Variants in CATSPERE observed in about 807,000 individuals in gnomAD.
CATSPERE encodes the protein cation channel sperm-associated auxiliary subunit epsilon.
Under a neutral mutation model 114.1 loss-of-function variants are expected in CATSPERE, and 93 were observed. That is an observed-to-expected ratio of 0.81 (90% CI 0.69 to 0.97). The LOEUF is 0.97. Ranked by LOEUF, CATSPERE falls within the 50% of genes least tolerant of loss-of-function variation. The pLI is 0.00. For missense variants in CATSPERE, 1,058 were observed against 1,131.6 expected, an observed-to-expected ratio of 0.93 and a Z score of 0.93; for synonymous variants, 341 against 384.1, an observed-to-expected ratio of 0.89 and a Z score of 1.31.
intron 17 of CATSPERE, among the ~76,000 whole-genome samples, chr1:244,605,142 G>A (rs1282025907): frequency 6.6e-6 from 1 of 152,182 alleles, no homozygotes; most frequent in East Asian, 1.9e-4. Flanking sequence ...GGGATCTGCA[G>A]CATCTCCGTT....
At chr1:244,468,513 G>A (rs1667972441) in intron 2 of CATSPERE, among the ~76,000 whole-genome samples, 1 of 152,166 alleles carries the variant, frequency 6.6e-6, no homozygotes, top group Admixed American at 6.5e-5. Flanking sequence ...TGTCATTTTA[G>A]AAATGCAAAT....
At chr1:244,503,877 T>C (rs1674435162) in intron 7 of CATSPERE, among the ~76,000 whole-genome samples, 1 of 152,232 alleles carries the variant, frequency 6.6e-6, no homozygotes, top group Non-Finnish European at 1.5e-5. Context: ...AGAAAATTAT[T>C]TCTAATATGC....
intron 7 of CATSPERE, among the ~76,000 whole-genome samples, chr1:244,510,835 C>CTTTTTTTTTTTTTTTTTTTTTTTTTTTTT (rs747921082): frequency 2.5e-4 from 12 of 48,346 alleles, no homozygotes; most frequent in East Asian, 8.0e-4. Context: ...TTTTCTTTTT[C>CTTTTTTTTTTTTTTTTTTTTTTTTTTTTT]TTTTTTTTTT....
chr1:244,639,808 T>C (rs1262090620), intron 21 of CATSPERE, 120 bp from the exon 22 acceptor site: 4 of 895,670 alleles, frequency 4.5e-6, no homozygotes, highest in Non-Finnish European at 6.8e-6. Flanking sequence ...GTGTGTCTTA[T>C]TCACCTTTGC....
At chr1:244,509,063 T>C (rs1675284432) in intron 7 of CATSPERE, among the ~76,000 whole-genome samples, 1 of 151,976 alleles carries the variant, frequency 6.6e-6, no homozygotes, top group Non-Finnish European at 1.5e-5. Flanking sequence ...CTTTTTTTTT[T>C]CTTTTGTCTA....
At position 244,640,123 on chromosome 1, in the gene CATSPERE, G is replaced by A; in HGVS notation, c.*42G>A. 7.0e-7 allele frequency: 1 copy of A among 1,437,350 alleles called. No homozygotes were observed. The highest frequency in any genetic ancestry group is 9.5e-7 in the Non-Finnish European group (1 of 1,049,290). The allele number at this position is 1,437,350 out of a possible 1,614,324, so 89.0% of individuals were successfully genotyped here. On this transcript the variant is annotated 3_prime_UTR_variant, in exon 22 of 22. Transcript: ENST00000366534. ...TTTATTACAGATATATGCATATAGA[G>A]AAACAGTGTATTACATAGTGATATT...
At chr1:244,536,495 G>A (rs372411424) in intron 8 of CATSPERE, among the ~76,000 whole-genome samples, 74 of 152,300 alleles carry the variant, frequency 4.9e-4, no homozygotes, top group Non-Finnish European at 3.2e-4. Flanking sequence ...CTCTGCGGGC[G>A]TCATCTGAGT....
At chr1:244,451,768 T>C, upstream of CATSPERE, 1 of 1,600,320 alleles carries the variant, frequency 6.2e-7, no homozygotes, top group South Asian at 1.1e-5. The surrounding 1 kb of genome is among the most constrained non-coding windows in gnomAD (Gnocchi z 6.6). Flanking sequence ...GCGGCCGCAA[T>C]CGCCGTTGGG....
intron 20 of CATSPERE, among the ~76,000 whole-genome samples, chr1:244,621,209 T>TTA (rs1316488898): frequency 3.4e-4 from 2 of 5,900 alleles, no homozygotes; most frequent in Non-Finnish European, 5.7e-4. Flanking sequence ...ATAGATATAT[T>TTA]TATATATATA....
intron 9 of CATSPERE, among the ~76,000 whole-genome samples, chr1:244,556,986 A>G (rs1661681225): frequency 6.6e-6 from 1 of 152,108 alleles, no homozygotes; most frequent in Non-Finnish European, 1.5e-5. Flanking sequence ...AGACTCTTCT[A>G]TCTGGATTGT....
At chr1:244,491,853 A>G (rs1477150460) in intron 6 of CATSPERE, among the ~76,000 whole-genome samples, 4 of 152,268 alleles carry the variant, frequency 2.6e-5, no homozygotes, top group Non-Finnish European at 5.9e-5. Context: ...GAAGAAATGG[A>G]TAAATTCCTT....
chr1:244,552,624 G>C lies in CATSPERE; in HGVS notation c.839G>C (p.Ser280Thr). ...TRIRVPPDILSDDERRSVAHV... is the reference protein window; with the variant it reads ...TRIRVPPDILTDDERRSVAHV... ...ATCAGAGTGCCTCCAGACATTCTGA[G>C]TGATGATGAAAGACGGAGTGTGGCT... Residue 280 changes from serine (S) to threonine (T), a missense_variant, in exon 9 of 22, where the codon AGT (serine) becomes ACT (threonine). By Grantham distance (58) the Ser-to-Thr change is moderately conservative. Around this residue, in one of 2 missense-constraint regions of CATSPERE, gnomAD observed 787 missense variants for 905.6 expected, o/e 0.87. Transcript: ENST00000366534. 1 of 1,614,186 alleles carries C rather than the reference G, an allele frequency of 6.2e-7. No individual in the cohort carries two copies.
rs1238012363 is a variant in CATSPERE, at chr1:244,617,694, T to C, written c.2648+8T>C. 3 of 1,527,878 alleles carry C rather than the reference T, an allele frequency of 2.0e-6. No homozygotes were observed. The highest frequency in any genetic ancestry group is 2.8e-5 in the African/African-American group (2 of 71,308). 94.6% of individuals were successfully genotyped at this position (1,527,878 alleles called of 1,614,324 possible). ...CCTGGATCCAAACTATAGGTGAATATATGTGTTACTGTAATAGTGTTAGCA... is the reference window on the plus strand; with the variant it reads ...CCTGGATCCAAACTATAGGTGAATACATGTGTTACTGTAATAGTGTTAGCA... On this transcript the variant is annotated splice_region_variant and intron_variant, in intron 20 of 21. Transcript: ENST00000366534.
At chr1:244,452,648 C>A (rs1260849431), upstream of CATSPERE, among the ~76,000 whole-genome samples, 1 of 152,170 alleles carries the variant, frequency 6.6e-6, no homozygotes, top group Non-Finnish European at 1.5e-5. Context: ...CAGATACCGT[C>A]ATGCACTTCT....
rs77713439 is a variant in CATSPERE, at chr1:244,473,752, C to T, written c.115-3789C>T. Among the ~76,000 whole-genome samples the T allele has an allele frequency of 3.4e-4, 51 of 152,158 alleles. No individual in the cohort carries two copies. In the East Asian group the frequency reaches 8.7e-3, roughly 26 times the overall value. On this transcript the variant is annotated intron_variant, in intron 2 of 21. Transcript: ENST00000366534. Reference sequence around the variant, plus strand: ...CACTTTTTTCTTCTGGTATTTCTTTCGAACAGCATGTATTGGGTCTTGCTG... The same window carrying T: ...CACTTTTTTCTTCTGGTATTTCTTTTGAACAGCATGTATTGGGTCTTGCTG...
chr1:244,574,707 T>C (rs2148585493), intron 11 of CATSPERE, among the ~76,000 whole-genome samples: 1 of 152,304 alleles, frequency 6.6e-6, no homozygotes. Context: ...ATAATACTAT[T>C]ATACATTTGC....
chr1:244,516,874 A>G (rs1311667587), intron 7 of CATSPERE, among the ~76,000 whole-genome samples: 1 of 152,102 alleles, frequency 6.6e-6, no homozygotes, highest in African/African-American at 2.4e-5. Context: ...TCACACTTCC[A>G]AGAATCTTAT....
intron 2 of CATSPERE, among the ~76,000 whole-genome samples, chr1:244,473,828 A>G (rs1023662810): frequency 6.6e-6 from 1 of 151,938 alleles, no homozygotes; most frequent in Non-Finnish European, 1.5e-5. Flanking sequence ...TTTGGTCTCA[A>G]TTCTCATATT....
chr1:244,558,848 T>C (rs928956283), intron 9 of CATSPERE, among the ~76,000 whole-genome samples: 5 of 152,192 alleles, frequency 3.3e-5, no homozygotes, highest in African/African-American at 1.2e-4. Context: ...CTTTACACTC[T>C]GGGTAGAGGC....
Sources: gnomAD v4.1 joint callset for allele counts (sites outside exome capture counted in the v4.1 genomes callset) on GRCh38, gnomAD v4.1.1 for gene constraint, gnomAD v4.1.1 regional missense constraint, Gnocchi (gnomAD v3.1) non-coding constraint, MANE v1.5 for transcripts, NCBI Gene and HGNC (gene_info 2026-07-23, HGNC 2026-07-21) for gene names.